FLI1: variants seen among roughly 807,000 people sequenced by gnomAD.
The protein encoded by FLI1 is Fli-1 proto-oncogene, ETS transcription factor, also known as Friend leukemia integration 1 transcription factor.
A neutral mutation model predicts 53.1 loss-of-function variants in FLI1; 13 were observed. The observed-to-expected ratio is 0.24, with a 90% CI of 0.16 to 0.39. The LOEUF is 0.39. Ranked by LOEUF, FLI1 falls within the 10% of genes least tolerant of loss-of-function variation. The probability of loss-of-function intolerance (pLI) is 1.00; values close to 1 mark genes in which losing one functional copy is unlikely to be tolerated. For synonymous variants in FLI1, 244 were observed against 236.7 expected (o/e 1.03, Z -0.28); for missense variants, 424 against 600.5 (o/e 0.71, Z 3.07).
chr11:128,792,193 G>C (rs1262418280), intron 5 of FLI1, among the ~76,000 whole-genome samples: 1 of 152,174 alleles, frequency 6.6e-6, no homozygotes, highest in Non-Finnish European at 1.5e-5. Context: ...ACAGAAGAGA[G>C]CCTGTTCCTG....
chr11:128,713,770 C>T (rs564354542), intron 1 of FLI1, among the ~76,000 whole-genome samples: 2 of 152,214 alleles, frequency 1.3e-5, no homozygotes, highest in African/African-American at 4.8e-5. Context: ...TAGGCCGAAC[C>T]CTGAAAGATA....
In FLI1 at chr11:128,811,014, G is replaced by A; in HGVS notation, c.*26G>A. 1 of 1,611,630 alleles carries A rather than the reference G, an allele frequency of 6.2e-7. No homozygotes were observed. On this transcript the variant is annotated 3_prime_UTR_variant, in exon 9 of 9. Coordinates refer to ENST00000527786, the MANE Select transcript of FLI1 (RefSeq NM_002017.5). Reference sequence around the variant, plus strand: ...AAGCTTACTCATCAGTGGCCTTCTAGCTGAAGCCCATCCTGCACACTTACT... The same window carrying A: ...AAGCTTACTCATCAGTGGCCTTCTAACTGAAGCCCATCCTGCACACTTACT...
intron 5 of FLI1, among the ~76,000 whole-genome samples, chr11:128,792,521 A>T (rs964672652): frequency 4.6e-5 from 7 of 152,226 alleles, no homozygotes; most frequent in African/African-American, 1.7e-4. Context: ...GTCCACGCTT[A>T]TCAGTCAAAT....
chr11:128,797,916 G>A (rs1011456070), intron 5 of FLI1, among the ~76,000 whole-genome samples: 2 of 152,122 alleles, frequency 1.3e-5, no homozygotes, highest in Non-Finnish European at 2.9e-5. Context: ...ACTCACCAGT[G>A]AGCCTTGACC....
chr11:128,797,038 A>G (rs1026090842), intron 5 of FLI1, among the ~76,000 whole-genome samples: 10 of 152,218 alleles, frequency 6.6e-5, no homozygotes, highest in African/African-American at 2.4e-4. Context: ...TCACCTGTCC[A>G]CTTCTGCTAC....
intron 5 of FLI1, among the ~76,000 whole-genome samples, chr11:128,796,803 C>T (rs573764527): frequency 3.9e-5 from 6 of 152,086 alleles, no homozygotes; most frequent in Non-Finnish European, 8.8e-5. Flanking sequence ...GGTGAAACCC[C>T]GTCTCTACTA....
chr11:128,697,590 T>C (rs1002005161), intron 1 of FLI1, among the ~76,000 whole-genome samples: 1 of 152,140 alleles, frequency 6.6e-6, no homozygotes, highest in Non-Finnish European at 1.5e-5. Context: ...ATCTAGAAAA[T>C]GGGGCCAAAG....
intron 1 of FLI1, among the ~76,000 whole-genome samples, chr11:128,709,335 T>C (rs190438801): frequency 1.1e-3 from 175 of 152,328 alleles, no homozygotes; most frequent in African/African-American, 4.0e-3. Context: ...TGCATGAATA[T>C]AACAGATAAT....
intron 1 of FLI1, among the ~76,000 whole-genome samples, chr11:128,706,058 C>T (rs1938533874): frequency 1.3e-5 from 2 of 152,164 alleles, no homozygotes; most frequent in Admixed American, 6.5e-5. Flanking sequence ...ACCCCCACCT[C>T]ATACACGCAT....
intron 1 of FLI1, among the ~76,000 whole-genome samples, chr11:128,747,553 C>T (rs1193761198): frequency 1.3e-5 from 2 of 152,236 alleles, no homozygotes; most frequent in African/African-American, 4.8e-5. Flanking sequence ...CTGGCTCCGT[C>T]TTACAGAAGA....
chr11:128,758,068 G>A (rs766768415), intron 1 of FLI1, 47 bp from the exon 2 acceptor site: 32 of 1,517,646 alleles, frequency 2.1e-5, no homozygotes, highest in Non-Finnish European at 2.8e-5. Context: ...TCACTTGCTT[G>A]GGTGAAGAGT....
At chr11:128,805,538 T>G in intron 6 of FLI1, 107 bp downstream of exon 6, 1 of 678,986 alleles carries the variant, frequency 1.5e-6, no homozygotes, top group Admixed American at 2.9e-5. Flanking sequence ...GTTTCCCTGC[T>G]TTTTGAGTAG....
intron 3 of FLI1, among the ~76,000 whole-genome samples, chr11:128,768,908 G>T (rs1036280200): frequency 6.6e-6 from 1 of 152,194 alleles, no homozygotes; most frequent in Non-Finnish European, 1.5e-5. Context: ...CGTGAGCTCT[G>T]GATGTGGGCA....
upstream of FLI1, chr11:128,693,639 A>T: frequency 4.4e-6 from 1 of 227,174 alleles, no homozygotes. Flanking sequence ...CCTCAGGAAA[A>T]GCAAAGAAGC....
chr11:128,769,995 T>C (rs1353912869), intron 3 of FLI1, among the ~76,000 whole-genome samples: 3 of 152,102 alleles, frequency 2.0e-5, no homozygotes, highest in Non-Finnish European at 4.4e-5. Flanking sequence ...GTCAAACAGC[T>C]CCCAGCCTGG....
intron 1 of FLI1, among the ~76,000 whole-genome samples, chr11:128,717,152 C>T (rs1396413274): frequency 2.0e-5 from 3 of 152,148 alleles, no homozygotes; most frequent in Admixed American, 1.3e-4. Flanking sequence ...AAAGGCCTTG[C>T]TTCCTCCCAC....
chr11:128,734,279 C>A (rs607703), intron 1 of FLI1, among the ~76,000 whole-genome samples: 2 of 152,058 alleles, frequency 1.3e-5, no homozygotes, highest in Admixed American at 6.5e-5. Flanking sequence ...GCGCTGTCCA[C>A]GTCCACAGTG....
Position 128,747,848 on chromosome 11 carries a change from G to A in FLI1, c.19-10267G>A, listed in dbSNP as rs539379755. Among the ~76,000 whole-genome samples, 38 of 152,284 alleles carry A rather than the reference G, an allele frequency of 2.5e-4. No homozygotes were observed. In the South Asian group the frequency reaches 7.7e-3, roughly 31 times the overall value. Reference sequence around the variant, plus strand: ...AAACACACTGTAAAATGTTCTCTTCGTGGGGTTCAGATGAATGTTCTATCT... The same window carrying A: ...AAACACACTGTAAAATGTTCTCTTCATGGGGTTCAGATGAATGTTCTATCT... On this transcript the variant is annotated intron_variant, in intron 1 of 8. Coordinates refer to ENST00000527786, the MANE Select transcript of FLI1 (RefSeq NM_002017.5).
chr11:128,760,494 G>T, intron 2 of FLI1, among the ~76,000 whole-genome samples: 1 of 147,294 alleles, frequency 6.8e-6, no homozygotes, highest in African/African-American at 2.5e-5. Context: ...GCTTGTTGAA[G>T]ATCCAGATCC....
Sources: gnomAD v4.1 joint callset for allele counts (sites outside exome capture counted in the v4.1 genomes callset) on GRCh38, gnomAD v4.1.1 for gene constraint, MANE v1.5 for transcripts, NCBI Gene and HGNC (gene_info 2026-07-23, HGNC 2026-07-21) for gene names.